The following BRSK2 variants were observed in gnomAD, a reference collection of about 807,000 sequenced individuals.
BRSK2 encodes the protein serine/threonine-protein kinase BRSK2.
BRSK2 carries 19 observed loss-of-function variants against 83.3 expected under a neutral mutation model. That is an observed-to-expected ratio of 0.23 (90% confidence interval 0.16 to 0.33). BRSK2 has a LOEUF of 0.33. Among genes scored for constraint, BRSK2 ranks in the 10% least tolerant of loss-of-function variants. The pLI, the probability that BRSK2 is intolerant of heterozygous loss-of-function variation, is 1.00. For synonymous variants in BRSK2, 519 were observed against 435.4 expected, an observed-to-expected ratio of 1.19 and a Z score of -2.39; for missense variants, 798 against 1,042.3, an observed-to-expected ratio of 0.77 and a Z score of 3.23.
At position 1,456,652 on chromosome 11, in the gene BRSK2, G is replaced by A. The variant is rs201661688; in HGVS notation, c.1904G>A (p.Ser635Asn). The A allele has an allele frequency of 1.7e-5, 27 of 1,609,978 alleles. No individual in the cohort carries two copies. In the East Asian group the frequency reaches 5.8e-4, roughly 35 times the overall value. ...GAGACCATCCAGGCCCAGCTGCTGAGCACACACGACCCGCCTGCGGCCCAG... is the reference window on the plus strand; with the variant it reads ...GAGACCATCCAGGCCCAGCTGCTGAACACACACGACCCGCCTGCGGCCCAG... ...VVETIQAQLL[S>N]THDPPAAQHL... is the part of the protein sequence containing the mutation. The change falls in exon 18 of 20, where the codon AGC (serine) becomes AAC (asparagine). Residue 635 changes from serine to asparagine, a missense_variant. Ser to Asn is a conservative substitution (Grantham distance 46). Coordinates refer to ENST00000528841, the MANE Select transcript of BRSK2 (RefSeq NM_001256627.2).
At chr11:1,450,886 G>A (rs183123532) in intron 14 of BRSK2, 92 bp downstream of exon 14, 584 of 1,266,246 alleles carry the variant, frequency 4.6e-4, no homozygotes, top group Non-Finnish European at 5.6e-4. Flanking sequence ...AGACCAGTCC[G>A]AGGGGCCTGT....
chr11:1,450,863 G>A lies in BRSK2; in HGVS notation c.1495+69G>A, dbSNP rs190513967. The A allele has an allele frequency of 3.8e-4, 534 of 1,410,616 alleles. 1 individual carries two copies. Among genetic ancestry groups the A allele is most frequent in the East Asian group, 3.6e-3 (140 of 39,222 alleles). The allele number at this position is 1,410,616 out of a possible 1,614,324, so 87.4% of individuals were successfully genotyped here. A position where few individuals can be genotyped will look rare whatever the true frequency, so the allele number is the denominator to read the frequency against. ...CAGAGGCTGCCTTGGGGAGGGCCCC[G>A]CCCGGCAGTGCCAGACCAGTCCGAG... is the stretch of plus-strand genomic sequence containing the variant. On this transcript the variant is annotated intron_variant, in intron 14 of 19. Transcript: ENST00000528841.
chr11:1,407,931 C>T (rs938414059), intron 1 of BRSK2, among the ~76,000 whole-genome samples: 27 of 152,288 alleles, frequency 1.8e-4, no homozygotes, highest in African/African-American at 6.3e-4. Flanking sequence ...CAGGGAAGGC[C>T]GCCTGGGTCT....
intron 1 of BRSK2, among the ~76,000 whole-genome samples, chr11:1,407,871 A>G (rs1261578441): frequency 6.6e-6 from 1 of 152,114 alleles, no homozygotes; most frequent in Non-Finnish European, 1.5e-5. Flanking sequence ...TTGCTGCTCC[A>G]TTTGCCCAGT....
chr11:1,438,753 C>T lies in BRSK2; in HGVS notation c.272+362C>T, dbSNP rs569970893. ...TGAGCCTCCTGGCCTCTGCCCAGGA[C>T]GTCCCCAGCCCTGGGCAGTGAGCCA... is the stretch of plus-strand genomic sequence containing the variant. On this transcript the variant is annotated intron_variant, in intron 3 of 19. Transcript: ENST00000528841. This position sits in a 1 kb window ranked among gnomAD's most constrained non-coding sequence, Gnocchi z 6.4. Among the ~76,000 whole-genome samples, 7 of 152,230 alleles carry T rather than the reference C, an allele frequency of 4.6e-5. No homozygotes were observed. The highest frequency in any genetic ancestry group is 8.8e-5 in the Non-Finnish European group (6 of 68,006).
chr11:1,457,376 G>C (rs1248882684), intron 18 of BRSK2, among the ~76,000 whole-genome samples: 1 of 152,220 alleles, frequency 6.6e-6, no homozygotes, highest in Non-Finnish European at 1.5e-5. Context: ...CCCAGCCAGA[G>C]CGGGGGCTTC....
At chr11:1,443,468 C>T (rs779416076) in intron 7 of BRSK2, 21 bp from the exon 8 acceptor site, 4 of 1,578,786 alleles carry the variant, frequency 2.5e-6, no homozygotes, top group African/African-American at 1.3e-5. Flanking sequence ...CACGCTGACC[C>T]CCACACCCGG....
intron 16 of BRSK2, 92 bp from the exon 17 acceptor site, chr11:1,456,256 C>T (rs1033500227): frequency 6.9e-5 from 91 of 1,323,606 alleles, no homozygotes; most frequent in Middle Eastern, 2.7e-4. Context: ...AATGTGTGCA[C>T]GGTGGGGCTG....
chr11:1,411,123 G>T (rs1847443021), intron 1 of BRSK2: 2 of 1,205,504 alleles, frequency 1.7e-6, no homozygotes, highest in East Asian at 3.4e-5. Context: ...ACCAGCTGGG[G>T]ATCCTCAGGG....
intron 4 of BRSK2, among the ~76,000 whole-genome samples, chr11:1,441,150 T>TCCCCTC: frequency 1.9e-5 from 1 of 51,382 alleles, no homozygotes. Context: ...AAGTGCACCG[T>TCCCCTC]CCCCCCATTA....
intron 1 of BRSK2, among the ~76,000 whole-genome samples, chr11:1,416,666 A>C (rs896066387): frequency 1.3e-5 from 2 of 152,292 alleles, no homozygotes; most frequent in African/African-American, 4.8e-5. Context: ...GGCAGCCACC[A>C]CTGAGGCCCT....
intron 1 of BRSK2, among the ~76,000 whole-genome samples, chr11:1,433,922 G>C (rs1363730241): frequency 6.6e-6 from 1 of 152,224 alleles, no homozygotes; most frequent in Non-Finnish European, 1.5e-5. Flanking sequence ...GCAAGGTCCT[G>C]GGTCCCCCAC....
intron 8 of BRSK2, 58 bp downstream of exon 8, chr11:1,443,693 CGT>C: frequency 6.8e-7 from 1 of 1,476,440 alleles, no homozygotes; most frequent in Non-Finnish European, 9.0e-7. Context: ...CGGGGGCGGG[CGT>C]GTGCCTGTGT....
chr11:1,407,960 G>A (rs1404073145), intron 1 of BRSK2, among the ~76,000 whole-genome samples: 1 of 152,174 alleles, frequency 6.6e-6, no homozygotes, highest in East Asian at 1.9e-4. Flanking sequence ...CCCTGGAGCT[G>A]AGCCCACCTG....
Position 1,461,153 on chromosome 11 carries a change from G to C in BRSK2, c.*430G>C. 1.8e-6 allele frequency: 2 copies of C among 1,100,962 alleles called. No homozygotes were observed. Among genetic ancestry groups the C allele is most frequent in the Non-Finnish European group, 2.5e-6 (2 of 794,528 alleles). 68.2% of individuals were successfully genotyped at this position (1,100,962 alleles called of 1,614,324 possible). A position where few individuals can be genotyped will look rare whatever the true frequency, so the allele number is the denominator to read the frequency against. On this transcript the variant is annotated 3_prime_UTR_variant, in exon 20 of 20. Transcript: ENST00000528841. ...GCTCCGCACGGCCCGTGGGAGGAAG[G>C]CCAGGCTCGGGGGAGCCTCCTCCAG...
Position 1,459,176 on chromosome 11 carries a change from C to T in BRSK2, c.1940-16C>T. 1.2e-6 allele frequency: 2 copies of T among 1,613,530 alleles called. No homozygotes were observed. The highest frequency in any genetic ancestry group is 1.7e-4 in the Middle Eastern group (1 of 6,056). On this transcript the variant is annotated splice_polypyrimidine_tract_variant and intron_variant, in intron 18 of 19. Coordinates refer to ENST00000528841, the MANE Select transcript of BRSK2 (RefSeq NM_001256627.2). ...TTCACTCACTCCCTCCCTCCTCTCT[C>T]CATTCTGTACTCCAGACACCACTAA...
In BRSK2 at chr11:1,456,512, C is replaced by A. The variant is rs770268681; in HGVS notation, c.1833C>A (p.Thr611=). 1.9e-6 allele frequency: 3 copies of A among 1,583,660 alleles called. No individual in the cohort carries two copies. The highest frequency in any genetic ancestry group is 2.6e-6 in the Non-Finnish European group (3 of 1,164,242). Residue 611 remains threonine (T), a synonymous_variant, in exon 17 of 20, where the codon ACC becomes ACA. Transcript: ENST00000528841. ...AQKENGIYSV[T]FTLLSGPSRR... ...AGGAGAACGGCATCTACTCCGTCACCTTCACCCTGCTCTCAGGTGAGCTGG... is the reference window on the plus strand; with the variant it reads ...AGGAGAACGGCATCTACTCCGTCACATTCACCCTGCTCTCAGGTGAGCTGG...
intron 12 of BRSK2, among the ~76,000 whole-genome samples, chr11:1,448,200 G>A (rs1400345747): frequency 6.6e-6 from 1 of 152,150 alleles, no homozygotes; most frequent in East Asian, 1.9e-4. Flanking sequence ...GCTGCCCCTG[G>A]GGCCGGCCAG....
intron 1 of BRSK2, among the ~76,000 whole-genome samples, chr11:1,420,805 C>G (rs550582704): frequency 7.2e-5 from 11 of 152,370 alleles, no homozygotes; most frequent in African/African-American, 2.6e-4. Context: ...GTGGGGCTGG[C>G]AGTCCTGGGG....
Sources: gnomAD v4.1 joint callset for allele counts (sites outside exome capture counted in the v4.1 genomes callset) on GRCh38, gnomAD v4.1.1 for gene constraint, Gnocchi (gnomAD v3.1) non-coding constraint, MANE v1.5 for transcripts, NCBI Gene and HGNC (gene_info 2026-07-23, HGNC 2026-07-21) for gene names.